Variants in ARFGEF3 observed in about 807,000 individuals in gnomAD.
ARFGEF3 encodes brefeldin A-inhibited guanine nucleotide-exchange protein 3.
In ARFGEF3, 96 loss-of-function variants were observed where a neutral mutation model predicts 221.7. The observed-to-expected ratio is 0.43, with a 90% CI of 0.37 to 0.51. The LOEUF (loss-of-function observed/expected upper bound fraction) is 0.51. ARFGEF3 is among the 20% of genes least tolerant of loss of function. The probability of loss-of-function intolerance (pLI) is 0.00; values close to 1 mark genes in which losing one functional copy is unlikely to be tolerated. For missense variants in ARFGEF3, 2,410 were observed against 2,789.9 expected, an observed-to-expected ratio of 0.86 and a Z score of 3.07; for synonymous variants, 1,145 against 1,126.8, an observed-to-expected ratio of 1.02 and a Z score of -0.32.
chr6:138,320,947 G>T (rs201692149), intron 28 of ARFGEF3, among the ~76,000 whole-genome samples, 164 bp from the exon 29 acceptor site: 1 of 41,828 alleles, frequency 2.4e-5, no homozygotes, highest in Non-Finnish European at 4.6e-5. Context: ...GGTTTTGGCG[G>T]GGGGGGGCAG....
At chr6:138,293,093 C>T (rs1779442434) in intron 19 of ARFGEF3, among the ~76,000 whole-genome samples, 1 of 152,168 alleles carries the variant, frequency 6.6e-6, no homozygotes, top group African/African-American at 2.4e-5. Context: ...TTGCGTGTCT[C>T]ATTTTCCTCT....
chr6:138,224,919 T>A (rs930340443), intron 4 of ARFGEF3, among the ~76,000 whole-genome samples: 2 of 152,246 alleles, frequency 1.3e-5, no homozygotes, highest in African/African-American at 4.8e-5. Flanking sequence ...GTTACTTCAT[T>A]AATATATAAT....
chr6:138,265,021 A>C (rs887634719), intron 12 of ARFGEF3, among the ~76,000 whole-genome samples: 6 of 150,446 alleles, frequency 4.0e-5, no homozygotes, highest in Non-Finnish European at 8.8e-5. Flanking sequence ...CTCCTGCCTC[A>C]GCCTCCCAAG....
At chr6:138,300,907 G>A (rs1779617983) in intron 22 of ARFGEF3, among the ~76,000 whole-genome samples, 1 of 152,224 alleles carries the variant, frequency 6.6e-6, no homozygotes, top group Non-Finnish European at 1.5e-5. Context: ...CTTTCTGACA[G>A]AAGATTACAT....
intron 6 of ARFGEF3, among the ~76,000 whole-genome samples, chr6:138,239,652 G>GAAAA (rs1210032134): frequency 6.3e-5 from 5 of 78,752 alleles, no homozygotes; most frequent in African/African-American, 1.5e-4. Flanking sequence ...TCTGTCTCAG[G>GAAAA]AAAAAAAAAA....
chr6:138,289,042 C>T (rs549198163), intron 17 of ARFGEF3, among the ~76,000 whole-genome samples: 2 of 152,314 alleles, frequency 1.3e-5, no homozygotes, highest in East Asian at 3.9e-4. Context: ...CAATCTCCGC[C>T]TCCCAGGTTC....
chr6:138,303,921 G>C (rs187539284), intron 22 of ARFGEF3, among the ~76,000 whole-genome samples: 42 of 149,906 alleles, frequency 2.8e-4, no homozygotes, highest in Non-Finnish European at 4.9e-4. Context: ...GGAGGAGGTG[G>C]AGACATTGGA....
rs552488292 is a variant in ARFGEF3, at chr6:138,267,242, G to A, written c.2128+3631G>A. On this transcript the variant is annotated intron_variant, in intron 12 of 33. Transcript: ENST00000251691. ...AGTTTGAGACCAGCCTGGCCAACAT[G>A]GCAAAACCCCGCCTCTACTAAAAAG... is the stretch of plus-strand genomic sequence containing the variant. 1.7e-4 allele frequency among the ~76,000 whole-genome samples: 26 copies of A among 152,218 alleles called. No individual in the cohort carries two copies. In the South Asian group the frequency reaches 5.4e-3, roughly 32 times the overall value.
intron 8 of ARFGEF3, among the ~76,000 whole-genome samples, chr6:138,253,505 G>A (rs986005365): frequency 3.9e-5 from 6 of 152,108 alleles, no homozygotes; most frequent in Non-Finnish European, 5.9e-5. Context: ...TTCTCTCCGC[G>A]CCTTGTAGAT....
At chr6:138,167,744 C>T (rs1215325910) in intron 1 of ARFGEF3, among the ~76,000 whole-genome samples, 1 of 152,246 alleles carries the variant, frequency 6.6e-6, no homozygotes, top group African/African-American at 2.4e-5. Flanking sequence ...ACCCTCTTAA[C>T]TGCTCCTTCC....
At chr6:138,323,321 C>G (rs2114683184) in intron 29 of ARFGEF3, among the ~76,000 whole-genome samples, 1 of 152,220 alleles carries the variant, frequency 6.6e-6, no homozygotes, top group Admixed American at 6.5e-5. Context: ...GAATTCAAGA[C>G]TCCTTTGTGG....
chr6:138,199,865 A>C (rs1445227507), intron 2 of ARFGEF3, among the ~76,000 whole-genome samples: 1 of 152,122 alleles, frequency 6.6e-6, no homozygotes, highest in Admixed American at 6.5e-5. Flanking sequence ...GACGCCCTTT[A>C]TTTCTTCCTC....
At chr6:138,234,475 C>CGTGTGTGT (rs10642229) in intron 5 of ARFGEF3, among the ~76,000 whole-genome samples, 5 of 148,090 alleles carry the variant, frequency 3.4e-5, no homozygotes, top group African/African-American at 7.4e-5. Flanking sequence ...CAGTTCACCC[C>CGTGTGTGT]GTGTGTGTGT....
chr6:138,245,322 A>C (rs1778465458), intron 7 of ARFGEF3, among the ~76,000 whole-genome samples, 191 bp from the exon 8 acceptor site: 1 of 152,148 alleles, frequency 6.6e-6, no homozygotes. Context: ...ACAAACAAAC[A>C]AAAGAATAAT....
chr6:138,294,093 A>G lies in ARFGEF3; in HGVS notation c.3469A>G (p.Thr1157Ala), dbSNP rs1779464061. The G allele has an allele frequency of 6.2e-7, 1 of 1,613,948 alleles. No homozygotes were observed. The highest frequency in any genetic ancestry group is 1.3e-5 in the African/African-American group (1 of 75,038). ...GCAGTCTCAGCTTTTCCATTCTGTT[A>G]CAGATACAGTTGATTACTCTCTGGC... ...ASQSQLFHSV[T>A]DTVDYSLAMP... The change falls in exon 20 of 34, where the codon ACA becomes GCA. Residue 1157 changes from threonine (T) to alanine (A), a missense_variant. Physicochemically the swap from Thr to Ala is moderately conservative, Grantham distance 58 (BLOSUM62 0). Coordinates refer to ENST00000251691, the MANE Select transcript of ARFGEF3 (RefSeq NM_020340.5).
chr6:138,267,512 C>T (rs577221544), intron 12 of ARFGEF3, among the ~76,000 whole-genome samples: 16 of 152,322 alleles, frequency 1.1e-4, no homozygotes, highest in African/African-American at 3.8e-4. Flanking sequence ...CAGATAACTT[C>T]TTTATCAACA....
Position 138,199,210 on chromosome 6 carries a change from A to G in ARFGEF3, c.138-7832A>G, listed in dbSNP as rs532405951. Among the ~76,000 whole-genome samples, 12 of 152,344 alleles carry G rather than the reference A, an allele frequency of 7.9e-5. No homozygotes were observed. In the East Asian group the frequency reaches 2.3e-3, roughly 29 times the overall value. ...GTTGAAAATTAAATGTCTACCTTCA[A>G]AAGTTATAATTAAATAGTAAATAGG... is the stretch of plus-strand genomic sequence containing the variant. On this transcript the variant is annotated intron_variant, in intron 2 of 33. Transcript: ENST00000251691.
chr6:138,324,106 C>T lies in ARFGEF3; in HGVS notation c.4953C>T (p.Ser1651=), dbSNP rs1780086760. The change falls in exon 31 of 34, where the codon TCC becomes TCT. Residue 1651 remains serine (S), a synonymous_variant. Coordinates refer to ENST00000251691, the MANE Select transcript of ARFGEF3 (RefSeq NM_020340.5). ...CQVRVAAPSS[S]PSAEAEYWRI... ...TGCGAGTGGCGGCCCCGTCCTCCTC[C>T]CCAAGTGCCGAGGCCGAGTACTGGC... 4.3e-6 allele frequency: 7 copies of T among 1,613,870 alleles called. No homozygotes were observed. Among genetic ancestry groups the T allele is most frequent in the Non-Finnish European group, 5.1e-6 (6 of 1,179,892 alleles).
intron 6 of ARFGEF3, among the ~76,000 whole-genome samples, chr6:138,239,581 G>A (rs1013552209): frequency 4.6e-5 from 7 of 151,178 alleles, no homozygotes; most frequent in Non-Finnish European, 5.9e-5. Context: ...CTCAGGAGGT[G>A]GAGGTTGCAG....
Sources: gnomAD v4.1 joint callset for allele counts (sites outside exome capture counted in the v4.1 genomes callset) on GRCh38, gnomAD v4.1.1 for gene constraint, MANE v1.5 for transcripts, NCBI Gene and HGNC (gene_info 2026-07-23, HGNC 2026-07-21) for gene names.